Variants in ASTN2 observed in about 807,000 individuals in gnomAD.
ASTN2 encodes the protein astrotactin 2.
Under a neutral mutation model 139.8 loss-of-function variants are expected in ASTN2, and 54 were observed. The ratio of observed to expected loss-of-function variants is 0.39; its 90% CI spans 0.31 to 0.48. The LOEUF is 0.48. ASTN2 is among the 20% of genes least tolerant of loss of function. The pLI, the probability that ASTN2 is intolerant of heterozygous loss-of-function variation, is 0.95. For missense variants in ASTN2, 1,565 were observed against 1,725.1 expected (o/e 0.91, Z 1.64); for synonymous variants, 756 against 719.5 (o/e 1.05, Z -0.81).
chr9:117,016,254 A>G (rs1463409962), intron 6 of ASTN2, among the ~76,000 whole-genome samples: 2 of 152,036 alleles, frequency 1.3e-5, no homozygotes, highest in South Asian at 4.1e-4. Context: ...CAGCTAGAAC[A>G]TGGACTTTGT....
intron 13 of ASTN2, among the ~76,000 whole-genome samples, chr9:116,785,728 A>G (rs1158432527): frequency 6.6e-6 from 1 of 152,004 alleles, no homozygotes. Context: ...CCTTCAGAAT[A>G]CATACAGAAT....
At chr9:117,060,344 GAGAAAGAAAGAAAGAAAGAAAGAA>G (rs575931514) in intron 5 of ASTN2, among the ~76,000 whole-genome samples, 9 of 58,948 alleles carry the variant, frequency 1.5e-4, no homozygotes, top group African/African-American at 5.6e-4. Context: ...GAAAGAAAGA[GAGAAAGAAAGAAAGAAAGAAAGAA>G]AGAAAGAAAG....
intron 7 of ASTN2, among the ~76,000 whole-genome samples, chr9:116,992,357 CCA>C (rs202160201): frequency 0.011 from 1,655 of 152,242 alleles, 19 homozygotes; most frequent in South Asian, 0.068. Flanking sequence ...TCCACAGTGC[CCA>C]ATCCTACTTG....
chr9:117,031,825 G>C, intron 6 of ASTN2, among the ~76,000 whole-genome samples: 1 of 152,108 alleles, frequency 6.6e-6, no homozygotes, highest in South Asian at 2.1e-4. Flanking sequence ...GCGGGCAGGG[G>C]CCTGACCTTG....
chr9:116,535,523 C>T (rs923816188), intron 19 of ASTN2, among the ~76,000 whole-genome samples: 22 of 152,060 alleles, frequency 1.4e-4, no homozygotes, highest in East Asian at 7.7e-4. Context: ...TTAGTTCTTC[C>T]TTCAGGAGCT....
intron 13 of ASTN2, among the ~76,000 whole-genome samples, chr9:116,752,957 G>C (rs935394316): frequency 6.6e-6 from 1 of 152,200 alleles, no homozygotes; most frequent in Non-Finnish European, 1.5e-5. Flanking sequence ...TCGTTTGGCA[G>C]TTTCTTAAAA....
intron 3 of ASTN2, among the ~76,000 whole-genome samples, chr9:117,209,400 A>G (rs1832046119): frequency 1.3e-5 from 2 of 152,174 alleles, no homozygotes; most frequent in African/African-American, 4.8e-5. Flanking sequence ...GAGAACAAGT[A>G]GCTGGAATTA....
chr9:117,119,010 T>C (rs1202762223), intron 4 of ASTN2, among the ~76,000 whole-genome samples: 1 of 152,234 alleles, frequency 6.6e-6, no homozygotes, highest in Non-Finnish European at 1.5e-5. Flanking sequence ...TACAGAAGAA[T>C]AGAACCTGCA....
At chr9:116,616,321 T>C (rs1855852971) in intron 19 of ASTN2, among the ~76,000 whole-genome samples, 1 of 152,182 alleles carries the variant, frequency 6.6e-6, no homozygotes, top group Non-Finnish European at 1.5e-5. Flanking sequence ...GAATGGAGTA[T>C]GCCAAATAAA....
chr9:117,045,979 TGTACGTACGTAC>T (rs1211768177), intron 5 of ASTN2, among the ~76,000 whole-genome samples: 2 of 124,646 alleles, frequency 1.6e-5, no homozygotes, highest in East Asian at 2.3e-4. Context: ...TATGTATGTA[TGTACGTACGTAC>T]GTATGTATGT....
At chr9:116,792,329 G>C (rs767903769) in intron 13 of ASTN2, among the ~76,000 whole-genome samples, 74 of 152,234 alleles carry the variant, frequency 4.9e-4, no homozygotes, top group Non-Finnish European at 2.8e-4. Flanking sequence ...CTCCTAAATG[G>C]ATTTCTCGCT....
At chr9:117,239,205 C>T (rs1588122269) in intron 2 of ASTN2, among the ~76,000 whole-genome samples, 1 of 152,186 alleles carries the variant, frequency 6.6e-6, no homozygotes, top group Admixed American at 6.5e-5. Context: ...CAAAAGGCAG[C>T]TCTGAGTCCC....
chr9:117,343,395 C>T (rs974588677), intron 1 of ASTN2, among the ~76,000 whole-genome samples: 21 of 152,288 alleles, frequency 1.4e-4, no homozygotes, highest in African/African-American at 4.1e-4. Flanking sequence ...GAAGCTTTCT[C>T]GGATTCCTAC....
intron 16 of ASTN2, among the ~76,000 whole-genome samples, chr9:116,673,972 T>C (rs924423383): frequency 1.3e-5 from 2 of 152,208 alleles, no homozygotes; most frequent in East Asian, 3.8e-4. Context: ...TTCCTGGGCA[T>C]AGGCTGAACT....
chr9:117,401,849 T>A (rs561078219), intron 1 of ASTN2, among the ~76,000 whole-genome samples: 3 of 152,150 alleles, frequency 2.0e-5, no homozygotes, highest in Non-Finnish European at 4.4e-5. Flanking sequence ...GTCAACTATT[T>A]TTAAAAAGTT....
chr9:117,115,791 CA>C (rs1180174781), intron 4 of ASTN2, among the ~76,000 whole-genome samples: 1 of 151,854 alleles, frequency 6.6e-6, no homozygotes, highest in Non-Finnish European at 1.5e-5. Context: ...TTTGGGAGGC[CA>C]AGGCAGGAGG....
At chr9:116,764,304 T>C (rs1355895951) in intron 13 of ASTN2, among the ~76,000 whole-genome samples, 1 of 152,178 alleles carries the variant, frequency 6.6e-6, no homozygotes, top group African/African-American at 2.4e-5. Flanking sequence ...CCATGACTGG[T>C]TATTGCAGGA....
At chr9:117,036,470 C>A (rs1343474986) in intron 6 of ASTN2, among the ~76,000 whole-genome samples, 1 of 152,182 alleles carries the variant, frequency 6.6e-6, no homozygotes, top group Non-Finnish European at 1.5e-5. Flanking sequence ...ATAGTCATAT[C>A]TTACAGAAAG....
At chr9:117,211,952 A>G (rs1832147641) in intron 3 of ASTN2, among the ~76,000 whole-genome samples, 1 of 74,910 alleles carries the variant, frequency 1.3e-5, no homozygotes, top group South Asian at 4.4e-4. Flanking sequence ...CAATCTTGAG[A>G]AAAAAATAAC....
Sources: gnomAD v4.1 joint callset for allele counts (sites outside exome capture counted in the v4.1 genomes callset) on GRCh38, gnomAD v4.1.1 for gene constraint, MANE v1.5 for transcripts, NCBI Gene and HGNC (gene_info 2026-07-23, HGNC 2026-07-21) for gene names.